Variants in TOR3A observed in about 807,000 individuals in gnomAD.
TOR3A encodes the protein torsin family 3 member A.
A neutral mutation model predicts 42.1 loss-of-function variants in TOR3A; 44 were observed. The observed-to-expected ratio is 1.04, with a 90% CI of 0.82 to 1.34. The LOEUF (loss-of-function observed/expected upper bound fraction) is 1.34, where lower values mean the gene tolerates loss of function less well. TOR3A is among the 40% of genes most tolerant of loss of function. TOR3A has a pLI of 0.00. For synonymous variants in TOR3A, 227 were observed against 213.2 expected (o/e 1.06, Z -0.57); for missense variants, 521 against 507.6 (o/e 1.03, Z -0.25).
At chr1:179,092,500 G>C (rs1652616891) in intron 4 of TOR3A, among the ~76,000 whole-genome samples, 1 of 152,186 alleles carries the variant, frequency 6.6e-6, no homozygotes, top group Admixed American at 6.5e-5. Flanking sequence ...TGAGGTGGGA[G>C]AATCACTTGA....
chr1:179,091,560 T>G (rs1652580922), intron 4 of TOR3A: 1 of 152,248 alleles, frequency 6.6e-6, no homozygotes, highest in Non-Finnish European at 1.5e-5. Context: ...GTCCCTTTAT[T>G]TACTAAAGGC....
At chr1:179,092,126 C>T (rs182418032) in intron 4 of TOR3A, among the ~76,000 whole-genome samples, 3 of 152,320 alleles carry the variant, frequency 2.0e-5, no homozygotes, top group Admixed American at 6.5e-5. Flanking sequence ...CTTGGCTGTC[C>T]GGGCTTAACC....
intron 4 of TOR3A, among the ~76,000 whole-genome samples, chr1:179,090,354 C>T (rs1652548129): frequency 6.6e-6 from 1 of 152,248 alleles, no homozygotes; most frequent in Non-Finnish European, 1.5e-5. Flanking sequence ...GCCTCTCAAC[C>T]TCAAGTTCTC....
At chr1:179,093,273 T>C (rs1190577003) in intron 4 of TOR3A, among the ~76,000 whole-genome samples, 1 of 152,184 alleles carries the variant, frequency 6.6e-6, no homozygotes, top group Non-Finnish European at 1.5e-5. Flanking sequence ...CAAATCACTT[T>C]CTGTGCTTCA....
At chr1:179,089,884 G>T (rs1462187536) in intron 4 of TOR3A, among the ~76,000 whole-genome samples, 1 of 152,064 alleles carries the variant, frequency 6.6e-6, no homozygotes, top group Non-Finnish European at 1.5e-5. Flanking sequence ...CCGGCTTCAG[G>T]TGGTGCCGGC....
In TOR3A at chr1:179,095,412, T is replaced by TAATGATAC; in HGVS notation, c.*194_*195insAATGATAC. The TAATGATAC allele has an allele frequency of 4.2e-6, 6 of 1,427,076 alleles. No individual in the cohort carries two copies. Among genetic ancestry groups the TAATGATAC allele is most frequent in the South Asian group, 1.6e-5 (1 of 62,712 alleles). The allele number at this position is 1,427,076 out of a possible 1,614,324, so 88.4% of individuals were successfully genotyped here. On this transcript the variant is annotated 3_prime_UTR_variant, in exon 6 of 6. Transcript: ENST00000367627. ...CCAAGCCAATCCTTTTTCTTTTTTTTGGAGGTCCCACCGAGATAGATAGGA... is the reference window on the plus strand; with the variant it reads ...CCAAGCCAATCCTTTTTCTTTTTTTTAATGATACGGAGGTCCCACCGAGATAGATAGGA...
chr1:179,088,897 G>A (rs775762872), intron 4 of TOR3A, among the ~76,000 whole-genome samples: 10 of 152,144 alleles, frequency 6.6e-5, no homozygotes, highest in Non-Finnish European at 1.3e-4. Context: ...CTCGAGCCTC[G>A]GTAGGAGTCA....
Position 179,082,241 on chromosome 1 carries a change from C to T in TOR3A, c.113C>T (p.Ser38Leu). ...RPWEGTDEPG[S>L]AWAWPGFQRL... ...TGGGAGGGAACCGACGAGCCGGGCT[C>T]GGCCTGGGCCTGGCCGGGCTTCCAG... The change falls in exon 1 of 6, where the codon TCG (serine) becomes TTG (leucine). Residue 38 changes from serine to leucine, a missense_variant. Coordinates refer to ENST00000367627, the MANE Select transcript of TOR3A (RefSeq NM_022371.4). 2.6e-6 allele frequency: 4 copies of T among 1,527,426 alleles called. No homozygotes were observed. The highest frequency in any genetic ancestry group is 1.4e-5 in the African/African-American group (1 of 69,882). The allele number at this position is 1,527,426 out of a possible 1,614,324, so 94.6% of individuals were successfully genotyped here.
chr1:179,086,624 C>T (rs1652443745), intron 3 of TOR3A, among the ~76,000 whole-genome samples: 1 of 149,890 alleles, frequency 6.7e-6, no homozygotes, highest in African/African-American at 2.5e-5. Flanking sequence ...CGAGATCGTG[C>T]CGCTGCACTC....
intron 2 of TOR3A, among the ~76,000 whole-genome samples, chr1:179,084,067 T>G (rs982554072): frequency 2.0e-5 from 3 of 152,246 alleles, no homozygotes; most frequent in Non-Finnish European, 1.5e-5. Context: ...AGGTAGCAAT[T>G]AGCAAGTTAC....
Position 179,085,895 on chromosome 1 carries a change from T to G in TOR3A, c.639+2T>G. The stretch of plus-strand genomic sequence containing the variant: ...CCCAAATATGTGGACCTGTACAAGG[T>G]GAGGCCGACCAGGGCTGGGGTGAGG... On this transcript the variant is annotated splice_donor_variant, in intron 3 of 5. Coordinates refer to ENST00000367627, the MANE Select transcript of TOR3A (RefSeq NM_022371.4). LOFTEE classifies it high-confidence loss of function. 1 of 1,612,834 alleles carries G rather than the reference T, an allele frequency of 6.2e-7. No individual in the cohort carries two copies. The highest frequency in any genetic ancestry group is 1.1e-5 in the South Asian group (1 of 91,076).
At chr1:179,083,257 A>G (rs1000138208) in intron 2 of TOR3A, among the ~76,000 whole-genome samples, 1 of 152,192 alleles carries the variant, frequency 6.6e-6, no homozygotes, top group African/African-American at 2.4e-5. Flanking sequence ...TTAATAGCCC[A>G]GGCAAACTGA....
rs779436578 is a variant in TOR3A at position 179,082,405 on chromosome 1, C to G, written c.259+18C>G. On this transcript the variant is annotated intron_variant, in intron 1 of 5. Transcript: ENST00000367627. ...GCCCCTGGGTAAGACCCCGTCCCCA[C>G]GGTCCGCCGTTCGCTGCGGAGCAGA... is the stretch of plus-strand genomic sequence containing the variant. 10 of 1,587,664 alleles carry G rather than the reference C, an allele frequency of 6.3e-6. No homozygotes were observed. In the East Asian group the frequency reaches 1.1e-4, roughly 18 times the overall value.
chr1:179,094,273 G>T (rs1265254301), intron 5 of TOR3A, 56 bp downstream of exon 5: 1 of 1,570,190 alleles, frequency 6.4e-7, no homozygotes. Flanking sequence ...GATAATTAAT[G>T]TGTTTGTTGG....
intron 2 of TOR3A, 181 bp from the exon 3 acceptor site, chr1:179,085,447 G>GTCCTTGAA (rs1231208916): frequency 1.1e-5 from 7 of 663,024 alleles, no homozygotes; most frequent in African/African-American, 3.6e-5. Context: ...AAAGAAAGTA[G>GTCCTTGAA]TCCTTGAATC....
In TOR3A at chr1:179,082,268, G is replaced by T. The variant is rs764751770; in HGVS notation, c.140G>T (p.Arg47Leu). The T allele has an allele frequency of 2.1e-5, 32 of 1,560,890 alleles. No homozygotes were observed. Among genetic ancestry groups the T allele is most frequent in the African/African-American group, 4.2e-5 (3 of 70,704 alleles). Residue 47 changes from arginine to leucine, a missense_variant, in exon 1 of 6, where the codon CGC (arginine) becomes CTC (leucine). Coordinates refer to ENST00000367627, the MANE Select transcript of TOR3A (RefSeq NM_022371.4). ...GCCTGGGCCTGGCCGGGCTTCCAGC[G>T]CCTGCAGGAGCAGCTCAGGGCGGCG... The part of the protein sequence containing the change: ...GSAWAWPGFQ[R>L]LQEQLRAAGA...
rs1652442924 is a variant in TOR3A, at chr1:179,086,598, G to A, written c.639+705G>A. Among the ~76,000 whole-genome samples, 4 of 151,730 alleles carry A rather than the reference G, an allele frequency of 2.6e-5. No homozygotes were observed. In the South Asian group the frequency reaches 8.3e-4, roughly 32 times the overall value. ...GGAGAATGGCGTGAACCCGGGAGGCGGAGCTTGCAGTGAGCCGAGATCGTG... is the reference window on the plus strand; with the variant it reads ...GGAGAATGGCGTGAACCCGGGAGGCAGAGCTTGCAGTGAGCCGAGATCGTG... On this transcript the variant is annotated intron_variant, in intron 3 of 5. Coordinates refer to ENST00000367627, the MANE Select transcript of TOR3A (RefSeq NM_022371.4).
intron 4 of TOR3A, among the ~76,000 whole-genome samples, chr1:179,093,187 T>C (rs1285534847): frequency 4.6e-5 from 7 of 152,176 alleles, no homozygotes; most frequent in African/African-American, 7.2e-5. Flanking sequence ...CCACTACCTC[T>C]GTCCCAGCTT....
chr1:179,090,318 C>T (rs1178728395), intron 4 of TOR3A, among the ~76,000 whole-genome samples: 1 of 152,258 alleles, frequency 6.6e-6, no homozygotes, highest in Non-Finnish European at 1.5e-5. Flanking sequence ...CTGACATAGT[C>T]TGTGCCCAGG....
Sources: allele counts gnomAD v4.1 joint callset (sites outside exome capture counted in the v4.1 genomes callset), GRCh38; gene constraint gnomAD v4.1.1; transcripts MANE v1.5; gene names NCBI Gene and HGNC (gene_info 2026-07-23, HGNC 2026-07-21).